STXBP5L: variants seen among roughly 807,000 people sequenced by gnomAD.
The protein encoded by STXBP5L is syntaxin binding protein 5L, also known as syntaxin-binding protein 5-like.
Under a neutral mutation model 144.5 loss-of-function variants are expected in STXBP5L, and 65 were observed. The observed-to-expected ratio is 0.45, with a 90% CI of 0.37 to 0.55. STXBP5L has a LOEUF of 0.55. Among genes scored for constraint, STXBP5L ranks in the 20% least tolerant of loss-of-function variants. The pLI, the probability that STXBP5L is intolerant of heterozygous loss-of-function variation, is 0.00. For synonymous variants in STXBP5L, 505 were observed against 469.6 expected (o/e 1.08, Z -0.97); for missense variants, 1,298 against 1,405.5 (o/e 0.92, Z 1.22).
intron 2 of STXBP5L, among the ~76,000 whole-genome samples, chr3:120,929,762 G>A (rs1325378365): frequency 6.6e-6 from 1 of 151,914 alleles, no homozygotes; most frequent in African/African-American, 2.4e-5. Flanking sequence ...ACCAGCTTTC[G>A]ATATTTAGAA....
chr3:121,049,989 G>T (rs1389094548), intron 5 of STXBP5L, among the ~76,000 whole-genome samples: 2 of 152,088 alleles, frequency 1.3e-5, no homozygotes, highest in Non-Finnish European at 2.9e-5. Flanking sequence ...AATCCCTGGG[G>T]ACTCTCACTC....
At chr3:121,129,487 A>G (rs2044871338) in intron 7 of STXBP5L, among the ~76,000 whole-genome samples, 1 of 152,006 alleles carries the variant, frequency 6.6e-6, no homozygotes, top group South Asian at 2.1e-4. Flanking sequence ...TAACCAGGTG[A>G]CAGTCCCAAT....
chr3:121,280,530 C>T (rs371277330), intron 19 of STXBP5L, among the ~76,000 whole-genome samples: 1 of 151,640 alleles, frequency 6.6e-6, no homozygotes, highest in Non-Finnish European at 1.5e-5. Flanking sequence ...ATCAATAAAT[C>T]GATGTATTTA....
chr3:121,407,125 T>A, intron 22 of STXBP5L, 118 bp from the exon 23 acceptor site: 1 of 1,230,738 alleles, frequency 8.1e-7, no homozygotes, highest in South Asian at 1.9e-5. Context: ...CAAATTCATA[T>A]ACATTAGGGC....
At chr3:121,098,755 G>C (rs1022017421) in intron 5 of STXBP5L, among the ~76,000 whole-genome samples, 3 of 152,294 alleles carry the variant, frequency 2.0e-5, no homozygotes, top group East Asian at 1.9e-4. Context: ...GATGTGGCCA[G>C]GTTCAAAAGA....
At chr3:121,246,732 T>TGGA (rs1425407048) in intron 14 of STXBP5L, among the ~76,000 whole-genome samples, 1 of 152,154 alleles carries the variant, frequency 6.6e-6, no homozygotes, top group Non-Finnish European at 1.5e-5. Context: ...ATCCATACAA[T>TGGA]GGAATACTAT....
intron 3 of STXBP5L, among the ~76,000 whole-genome samples, chr3:121,005,565 G>A (rs1944219010): frequency 6.6e-6 from 1 of 152,076 alleles, no homozygotes; most frequent in Non-Finnish European, 1.5e-5. Flanking sequence ...GTTCTGCTCT[G>A]ATCTTAGTTA....
intron 20 of STXBP5L, among the ~76,000 whole-genome samples, chr3:121,358,407 TATACTC>T (rs999086931): frequency 4.3e-4 from 66 of 152,270 alleles, no homozygotes; most frequent in African/African-American, 1.4e-3. Context: ...TCAGAAAACT[TATACTC>T]ATGGTGGACA....
intron 20 of STXBP5L, among the ~76,000 whole-genome samples, chr3:121,354,608 C>T (rs2045433349): frequency 7.0e-6 from 1 of 143,282 alleles, no homozygotes; most frequent in African/African-American, 2.6e-5. Context: ...AGATGGGGCT[C>T]TTGAATACAG....
chr3:121,364,233 C>T (rs2045801669), intron 20 of STXBP5L, among the ~76,000 whole-genome samples: 1 of 152,128 alleles, frequency 6.6e-6, no homozygotes, highest in Non-Finnish European at 1.5e-5. Context: ...TCAATGGGCT[C>T]AGTATCCTTG....
intron 3 of STXBP5L, among the ~76,000 whole-genome samples, chr3:121,010,455 T>C (rs1393672368): frequency 6.6e-6 from 1 of 151,700 alleles, no homozygotes; most frequent in East Asian, 1.9e-4. Flanking sequence ...TTCTCACTGA[T>C]ACTAGAGAAC....
At chr3:120,923,315 GT>G (rs961700971) in intron 2 of STXBP5L, among the ~76,000 whole-genome samples, 27 of 150,952 alleles carry the variant, frequency 1.8e-4, no homozygotes, top group Admixed American at 1.6e-3. Flanking sequence ...CTTCTGTAGT[GT>G]TTTTTTTATT....
chr3:121,086,776 T>A (rs2042515962), intron 5 of STXBP5L, among the ~76,000 whole-genome samples: 1 of 152,120 alleles, frequency 6.6e-6, no homozygotes, highest in Non-Finnish European at 1.5e-5. Context: ...CTCTGGATTT[T>A]GGGTTTTGGG....
chr3:120,965,222 A>C (rs563071856), intron 3 of STXBP5L, among the ~76,000 whole-genome samples: 5 of 152,160 alleles, frequency 3.3e-5, no homozygotes, highest in African/African-American at 9.6e-5. Context: ...ATGGGTGTTG[A>C]CTGTTTATCC....
intron 4 of STXBP5L, among the ~76,000 whole-genome samples, chr3:121,044,863 T>C (rs1947402006): frequency 6.6e-6 from 1 of 152,160 alleles, no homozygotes; most frequent in Non-Finnish European, 1.5e-5. Context: ...TTATACTAAA[T>C]TCTAGTTGGA....
chr3:121,069,973 C>G (rs987743681), intron 5 of STXBP5L, among the ~76,000 whole-genome samples: 1 of 151,916 alleles, frequency 6.6e-6, no homozygotes, highest in African/African-American at 2.4e-5. Flanking sequence ...TTGCTGTGTC[C>G]CAGAGGTTTT....
At chr3:121,313,338 G>A (rs1369915444) in intron 19 of STXBP5L, among the ~76,000 whole-genome samples, 5 of 138,160 alleles carry the variant, frequency 3.6e-5, no homozygotes, top group African/African-American at 8.3e-5. Context: ...CTGGCCGGGC[G>A]GGGGGCTGAC....
intron 19 of STXBP5L, among the ~76,000 whole-genome samples, chr3:121,298,391 G>GA (rs2051745845): frequency 6.6e-6 from 1 of 152,158 alleles, no homozygotes; most frequent in Admixed American, 6.5e-5. Context: ...AAATATAGGT[G>GA]AAAACCTTCA....
chr3:120,963,782 C>G (rs1384056042), intron 3 of STXBP5L, among the ~76,000 whole-genome samples: 1 of 152,056 alleles, frequency 6.6e-6, no homozygotes, highest in Non-Finnish European at 1.5e-5. Flanking sequence ...TAATATTGGC[C>G]TCATAAAATG....
Sources: gnomAD v4.1 joint callset for allele counts (sites outside exome capture counted in the v4.1 genomes callset) on GRCh38, gnomAD v4.1.1 for gene constraint, MANE v1.5 for transcripts, NCBI Gene and HGNC (gene_info 2026-07-23, HGNC 2026-07-21) for gene names.